GALNT18: variants seen among roughly 807,000 people sequenced by gnomAD.
The protein encoded by GALNT18 is polypeptide N-acetylgalactosaminyltransferase 18.
Under a neutral mutation model 69.5 loss-of-function variants are expected in GALNT18, and 44 were observed. The ratio of observed to expected loss-of-function variants is 0.63; its 90% CI spans 0.50 to 0.81. GALNT18 has a LOEUF of 0.81. GALNT18 is among the 40% of genes least tolerant of loss of function. The probability of loss-of-function intolerance (pLI) is 0.00; values close to 1 mark genes in which losing one functional copy is unlikely to be tolerated. For synonymous variants in GALNT18, 364 were observed against 318.2 expected (o/e 1.14, Z -1.53); for missense variants, 715 against 810.0 (o/e 0.88, Z 1.42).
chr11:11,608,927 C>T (rs991507172), intron 1 of GALNT18, among the ~76,000 whole-genome samples: 1 of 152,234 alleles, frequency 6.6e-6, no homozygotes, highest in African/African-American at 2.4e-5. Flanking sequence ...GTCCCTATTC[C>T]TCCATGAAGT....
rs1856129338 is a variant in GALNT18 at position 11,465,164 on chromosome 11, G to A, written c.236-16228C>T. On this transcript the variant is annotated intron_variant, in intron 1 of 10. Coordinates refer to ENST00000227756, the MANE Select transcript of GALNT18 (RefSeq NM_198516.3). This position sits in a 1 kb window ranked among gnomAD's most constrained non-coding sequence, Gnocchi z 5.7. ...GGCGAGGTGCCTTGGGATGCCTGAG[G>A]AAGGTCTGTTCCCAGATCCTCAGCC... Among the ~76,000 whole-genome samples, 1 of 152,166 alleles carries A rather than the reference G, an allele frequency of 6.6e-6. No homozygotes were observed. The highest frequency in any genetic ancestry group is 1.9e-4 in the East Asian group (1 of 5,188).
intron 1 of GALNT18, among the ~76,000 whole-genome samples, chr11:11,524,728 C>T (rs902977896): frequency 1.4e-4 from 22 of 152,094 alleles, no homozygotes; most frequent in Admixed American, 1.4e-3. Context: ...GATTTGGGGG[C>T]GGGAAGCTGT....
chr11:11,336,348 CGAG>C (rs1036840312), intron 7 of GALNT18, among the ~76,000 whole-genome samples: 5 of 152,088 alleles, frequency 3.3e-5, no homozygotes, highest in African/African-American at 1.2e-4. Context: ...TTCACAGTTC[CGAG>C]GAGGCCTCAG....
intron 1 of GALNT18, among the ~76,000 whole-genome samples, chr11:11,508,823 C>T (rs1423320572): frequency 3.9e-5 from 6 of 152,188 alleles, no homozygotes; most frequent in African/African-American, 7.2e-5. Flanking sequence ...TCAATTACTC[C>T]AGCTTCACTC....
chr11:11,415,798 T>C lies in GALNT18; in HGVS notation c.595+16823A>G, dbSNP rs753893144. On this transcript the variant is annotated intron_variant, in intron 3 of 10. Coordinates refer to ENST00000227756, the MANE Select transcript of GALNT18 (RefSeq NM_198516.3). This position sits in a 1 kb window ranked among gnomAD's most constrained non-coding sequence, Gnocchi z 4.1. ...CAAAGCAGGAGGGTGGGATTTGTTT[T>C]TCCTGCCACGTAGAATTCAGGAATT... Among the ~76,000 whole-genome samples, 4 of 152,284 alleles carry C rather than the reference T, an allele frequency of 2.6e-5. No homozygotes were observed. The highest frequency in any genetic ancestry group is 2.9e-5 in the Non-Finnish European group (2 of 68,026).
intron 10 of GALNT18, among the ~76,000 whole-genome samples, chr11:11,279,073 C>A (rs1438187736): frequency 6.6e-6 from 1 of 152,154 alleles, no homozygotes; most frequent in Non-Finnish European, 1.5e-5. Flanking sequence ...CTTGGGCCAT[C>A]CCCTTGGTGA....
chr11:11,394,309 T>G (rs1015742537), intron 3 of GALNT18, among the ~76,000 whole-genome samples: 1 of 152,170 alleles, frequency 6.6e-6, no homozygotes. Flanking sequence ...TGAATGTGCA[T>G]GGCATGCTTG....
chr11:11,489,992 A>G (rs1856728128), intron 1 of GALNT18, among the ~76,000 whole-genome samples: 1 of 152,124 alleles, frequency 6.6e-6, no homozygotes, highest in Non-Finnish European at 1.5e-5. Context: ...GTGTCCCCCA[A>G]AAAGCCTGCG....
At chr11:11,312,241 G>A (rs1428985457) in intron 9 of GALNT18, among the ~76,000 whole-genome samples, 1 of 152,112 alleles carries the variant, frequency 6.6e-6, no homozygotes, top group Non-Finnish European at 1.5e-5. Flanking sequence ...GAGCCACCAC[G>A]CCCGGCCCAT....
At chr11:11,329,661 G>A (rs1406371003) in intron 8 of GALNT18, among the ~76,000 whole-genome samples, 1 of 152,200 alleles carries the variant, frequency 6.6e-6, no homozygotes, top group Non-Finnish European at 1.5e-5. Context: ...TGTCTGCCCT[G>A]TTAGTCATCA....
intron 1 of GALNT18, among the ~76,000 whole-genome samples, chr11:11,466,063 G>T (rs376425817): frequency 1.3e-5 from 2 of 151,850 alleles, no homozygotes; most frequent in Non-Finnish European, 1.5e-5. Flanking sequence ...CCCATTATAC[G>T]CAAACAGATA....
rs111928926 is a variant in GALNT18 at position 11,317,157 on chromosome 11, C to T, written c.1512+9929G>A. 5.5e-3 allele frequency among the ~76,000 whole-genome samples: 835 copies of T among 152,322 alleles called. 7 individuals are homozygous for T. Among genetic ancestry groups the T allele is most frequent in the African/African-American group, 0.019 (802 of 41,574 alleles). On this transcript the variant is annotated intron_variant, in intron 9 of 10. Coordinates refer to ENST00000227756, the MANE Select transcript of GALNT18 (RefSeq NM_198516.3). ...TATGCATTAATCAATTAGCATGGTT[C>T]TCAGCAGCTTCACCTCACTAATTTG...
At chr11:11,306,613 A>C (rs1849582923) in intron 9 of GALNT18, among the ~76,000 whole-genome samples, 1 of 152,236 alleles carries the variant, frequency 6.6e-6, no homozygotes, top group Admixed American at 6.5e-5. Context: ...AGAAAGTGTT[A>C]CAAAACTAAG....
chr11:11,358,926 A>G (rs1850587877), intron 6 of GALNT18, among the ~76,000 whole-genome samples: 1 of 139,114 alleles, frequency 7.2e-6, no homozygotes, highest in Non-Finnish European at 1.6e-5. Flanking sequence ...AGCCAACCAT[A>G]ACATTTAGAA....
chr11:11,588,377 A>C (rs1231483068), intron 1 of GALNT18, among the ~76,000 whole-genome samples: 1 of 152,226 alleles, frequency 6.6e-6, no homozygotes, highest in African/African-American at 2.4e-5. Context: ...TCTGTTGACT[A>C]AACCAATGGA....
intron 2 of GALNT18, among the ~76,000 whole-genome samples, chr11:11,434,798 A>T (rs1014848646): frequency 6.6e-6 from 1 of 152,208 alleles, no homozygotes; most frequent in Non-Finnish European, 1.5e-5. Flanking sequence ...TCTGAAGCTC[A>T]TCGGATCTTT....
chr11:11,315,498 A>G lies in GALNT18; in HGVS notation c.1512+11588T>C, dbSNP rs111483877. On this transcript the variant is annotated intron_variant, in intron 9 of 10. Coordinates refer to ENST00000227756, the MANE Select transcript of GALNT18 (RefSeq NM_198516.3). The surrounding 1 kb of genome is among the most constrained non-coding windows in gnomAD (Gnocchi z 5.6). ...AATGAAGGGAGCCACCCCAGCCCAGAGACTCTGGAGTGGGGATAACCGCAG... is the reference window on the plus strand; with the variant it reads ...AATGAAGGGAGCCACCCCAGCCCAGGGACTCTGGAGTGGGGATAACCGCAG... Among the ~76,000 whole-genome samples the G allele has an allele frequency of 0.073, 11,041 of 152,262 alleles. 433 individuals are homozygous for G. The highest frequency in any genetic ancestry group is 0.12 in the South Asian group (591 of 4,818).
intron 3 of GALNT18, among the ~76,000 whole-genome samples, chr11:11,384,167 C>T (rs912834738): frequency 3.7e-4 from 56 of 152,078 alleles, no homozygotes; most frequent in Admixed American, 3.3e-4. Flanking sequence ...ATTTATTCCC[C>T]AAATTGATTA....
chr11:11,480,175 A>G lies in GALNT18; in HGVS notation c.236-31239T>C, dbSNP rs1055546027. Among the ~76,000 whole-genome samples, 2 of 152,134 alleles carry G rather than the reference A, an allele frequency of 1.3e-5. No individual in the cohort carries two copies. Among genetic ancestry groups the G allele is most frequent in the Non-Finnish European group, 2.9e-5 (2 of 68,014 alleles). ...ATCTGAAACATCATCTCCCAGAACA[A>G]GCCATGGGTGGTAGCCACAAAATAA... On this transcript the variant is annotated intron_variant, in intron 1 of 10. Transcript: ENST00000227756. The surrounding 1 kb of genome is among the most constrained non-coding windows in gnomAD (Gnocchi z 4.6).
Sources: allele counts gnomAD v4.1 joint callset (sites outside exome capture counted in the v4.1 genomes callset), GRCh38; gene constraint gnomAD v4.1.1; non-coding constraint Gnocchi (gnomAD v3.1); transcripts MANE v1.5; gene names NCBI Gene and HGNC (gene_info 2026-07-23, HGNC 2026-07-21).